The following MEP1B variants were observed in gnomAD, a reference collection of about 807,000 sequenced individuals.
MEP1B encodes N-benzoyl-L-tyrosyl-P-amino-benzoic acid hydrolase subunit beta.
Under a neutral mutation model 84.6 loss-of-function variants are expected in MEP1B, and 80 were observed. The ratio of observed to expected loss-of-function variants is 0.95; its 90% CI spans 0.79 to 1.14. MEP1B has a LOEUF of 1.14. Among genes scored for constraint, MEP1B ranks in the 50% most tolerant of loss-of-function variants. The pLI, the probability that MEP1B is intolerant of heterozygous loss-of-function variation, is 0.00. For missense variants in MEP1B, 766 were observed against 855.1 expected (o/e 0.90, Z 1.30); for synonymous variants, 273 against 288.1 (o/e 0.95, Z 0.53).
chr18:32,211,181 T>C (rs768990736), intron 10 of MEP1B, among the ~76,000 whole-genome samples: 5 of 151,956 alleles, frequency 3.3e-5, no homozygotes, highest in Non-Finnish European at 4.4e-5. Context: ...GGCAGGAGAA[T>C]TGCTTGAACC....
intron 9 of MEP1B, 96 bp from the exon 10 acceptor site, chr18:32,210,405 T>C: frequency 2.9e-6 from 3 of 1,021,350 alleles, no homozygotes; most frequent in South Asian, 3.2e-5. Context: ...TGGATGTTAC[T>C]TATGCCTCGC....
At chr18:32,195,373 G>A (rs1181546665) in intron 4 of MEP1B, 34 bp from the exon 5 acceptor site, 2 of 1,388,602 alleles carry the variant, frequency 1.4e-6, no homozygotes, top group Non-Finnish European at 2.0e-6. Context: ...TGCCTTATTT[G>A]TTTAACTAGC....
intron 7 of MEP1B, among the ~76,000 whole-genome samples, 190 bp downstream of exon 7, chr18:32,204,550 G>T (rs535795170): frequency 6.6e-6 from 1 of 152,172 alleles, no homozygotes; most frequent in Non-Finnish European, 1.5e-5. Flanking sequence ...AGCTAGATAT[G>T]CTCTAGAAAC....
At chr18:32,203,039 A>G (rs764941443) in intron 6 of MEP1B, 29 bp downstream of exon 6, 2 of 1,315,934 alleles carry the variant, frequency 1.5e-6, no homozygotes, top group South Asian at 1.2e-5. Context: ...CTTCTAAGGC[A>G]TCTAAGGAGA....
At chr18:32,215,740 T>C (rs181350121) in intron 12 of MEP1B, among the ~76,000 whole-genome samples, 2,760 of 151,970 alleles carry the variant, frequency 0.018, 68 homozygotes, top group African/African-American at 0.06. Context: ...AGGAGAATGG[T>C]GTGAACCCGG....
chr18:32,193,770 C>G (rs1379044548), intron 4 of MEP1B, among the ~76,000 whole-genome samples: 6 of 152,154 alleles, frequency 3.9e-5, no homozygotes, highest in African/African-American at 1.4e-4. Context: ...CCTCCCACCC[C>G]CAGGAAACAG....
chr18:32,199,704 C>CT (rs1555706059), intron 5 of MEP1B, among the ~76,000 whole-genome samples: 1 of 141,700 alleles, frequency 7.1e-6, no homozygotes, highest in Non-Finnish European at 1.5e-5. Flanking sequence ...TCCTTCCTTC[C>CT]TTCCTTCTTT....
At chr18:32,192,621 T>TTTG (rs752429755) in intron 2 of MEP1B, 25 bp from the exon 3 acceptor site, 844 of 1,604,966 alleles carry the variant, frequency 5.3e-4, no homozygotes, top group Non-Finnish European at 3.7e-4. Context: ...TGTTCAATTT[T>TTTG]TTGTTGTTGT....
In MEP1B at chr18:32,208,147, C is replaced by A. The variant is rs1232543903; in HGVS notation, c.795C>A (p.Cys265Ter). 2 of 1,613,610 alleles carry A rather than the reference C, an allele frequency of 1.2e-6. No homozygotes were observed. Among genetic ancestry groups the A allele is most frequent in the Non-Finnish European group, 1.7e-6 (2 of 1,179,708 alleles). ...CTTCCTTGAGTTTTATGGACTCGTG[C>A]AGTTTTGAACTGGAAAATGTGTGTG... Reference protein sequence around the residue: ...CSSSLSFMDSCSFELENVCGM... With the variant: ...CSSSLSFMDS Residue 265 changes from cysteine (C) to a stop codon, truncating the protein, a stop_gained, in exon 9 of 15, where the codon TGC becomes TGA. Transcript: ENST00000269202. LOFTEE classifies it high-confidence loss of function.
chr18:32,216,367 C>T (rs570330400), intron 12 of MEP1B, among the ~76,000 whole-genome samples: 2 of 152,156 alleles, frequency 1.3e-5, no homozygotes, highest in South Asian at 2.1e-4. Flanking sequence ...TTGACCATAG[C>T]GATTTCAACC....
At chr18:32,202,494 A>C (rs1485405495) in intron 5 of MEP1B, among the ~76,000 whole-genome samples, 1 of 152,220 alleles carries the variant, frequency 6.6e-6, no homozygotes, top group Non-Finnish European at 1.5e-5. Context: ...AGACTCTCCC[A>C]TCTGAAGATC....
At chr18:32,192,898 C>G in intron 4 of MEP1B, 81 bp downstream of exon 4, 4 of 1,122,434 alleles carry the variant, frequency 3.6e-6, no homozygotes, top group Non-Finnish European at 5.3e-6. Flanking sequence ...GATTAGACAG[C>G]ATGAACTTTG....
rs1251352037 is a variant in MEP1B, at chr18:32,216,841, C to G, written c.1760-150C>G. On this transcript the variant is annotated intron_variant, in intron 12 of 14. Coordinates refer to ENST00000269202, the MANE Select transcript of MEP1B (RefSeq NM_005925.3). ...TCTGAGCCTGGGAGCAAAGACCAGC[C>G]TGGGCAACATTGCAAGATCTCACCT... The G allele has an allele frequency of 1.6e-5, 15 of 916,116 alleles. No homozygotes were observed. In the East Asian group the frequency reaches 4.2e-4, roughly 26 times the overall value. The allele number at this position is 916,116 out of a possible 1,614,324, so 56.7% of individuals were successfully genotyped here.
chr18:32,212,522 A>G (rs193095), intron 10 of MEP1B, among the ~76,000 whole-genome samples: 102,682 of 151,908 alleles, frequency 0.68, 35,187 homozygotes, highest in East Asian at 0.88. Flanking sequence ...GGGAGGAAGT[A>G]CAGGTTGGAA....
chr18:32,220,102 G>T, intron 14 of MEP1B, 129 bp from the exon 15 acceptor site: 1 of 802,490 alleles, frequency 1.2e-6, no homozygotes. Context: ...GCCATTGCCA[G>T]CTAGGAGGGA....
At chr18:32,215,948 ACATACATG>A (rs1054101914) in intron 12 of MEP1B, among the ~76,000 whole-genome samples, 102 of 150,144 alleles carry the variant, frequency 6.8e-4, no homozygotes, top group Middle Eastern at 6.8e-3. Context: ...TTTCAAATGT[ACATACATG>A]CATACATATA....
chr18:32,192,556 C>A, intron 2 of MEP1B, 90 bp from the exon 3 acceptor site: 2 of 1,203,838 alleles, frequency 1.7e-6, no homozygotes, highest in Non-Finnish European at 2.4e-6. Flanking sequence ...CCAAAAGAAA[C>A]TTGCTTAGTT....
At chr18:32,219,725 A>C (rs1398452995) in intron 14 of MEP1B, among the ~76,000 whole-genome samples, 1 of 152,152 alleles carries the variant, frequency 6.6e-6, no homozygotes, top group Admixed American at 6.5e-5. Flanking sequence ...AAGAGAAAGA[A>C]GGAAGCTAGG....
chr18:32,213,589 A>G, intron 11 of MEP1B, 30 bp downstream of exon 11: 1 of 1,512,492 alleles, frequency 6.6e-7, no homozygotes, highest in South Asian at 1.1e-5. Context: ...TATTGCTAAT[A>G]AACAATCATT....
Sources: allele counts gnomAD v4.1 joint callset (sites outside exome capture counted in the v4.1 genomes callset), GRCh38; gene constraint gnomAD v4.1.1; transcripts MANE v1.5; gene names NCBI Gene and HGNC (gene_info 2026-07-23, HGNC 2026-07-21).